The following CHM variants were observed in gnomAD, a reference collection of about 807,000 sequenced individuals.
CHM encodes CHM Rab escort protein.
Under a neutral mutation model 49.0 loss-of-function variants are expected in CHM, and 10 were observed. The ratio of observed to expected loss-of-function variants is 0.20; its 90% CI spans 0.13 to 0.35. The LOEUF (loss-of-function observed/expected upper bound fraction) is 0.35. CHM is among the 10% of genes least tolerant of loss of function. The pLI is 1.00. For synonymous variants in CHM, 184 were observed against 167.5 expected (o/e 1.10, Z -0.76); for missense variants, 455 against 478.4 (o/e 0.95, Z 0.46).
chrX:85,939,087 C>CAG (rs2148205159), intron 8 of CHM, among the ~76,000 whole-genome samples: 1 of 111,922 alleles, frequency 8.9e-6, no homozygotes, highest in African/African-American at 3.2e-5. Flanking sequence ...ACACGCTGTA[C>CAG]AGGTTTGTAG....
At chrX:85,873,407 T>C (rs1924217751) in intron 13 of CHM, among the ~76,000 whole-genome samples, 195 bp from the exon 14 acceptor site, 1 of 111,756 alleles carries the variant, frequency 8.9e-6, no homozygotes, top group Admixed American at 9.6e-5. Context: ...ACTCCAGTCA[T>C]GCTCCTTTGG....
At chrX:86,014,093 A>G (rs1448608055) in intron 2 of CHM, among the ~76,000 whole-genome samples, 1 of 112,241 alleles carries the variant, frequency 8.9e-6, no homozygotes, top group East Asian at 2.8e-4. Flanking sequence ...CAAACTCAAA[A>G]CCAGAAGATA....
chrX:86,047,480 A>G lies in CHM; in HGVS notation c.49+4T>C, dbSNP rs1406232082. On this transcript the variant is annotated splice_donor_region_variant and intron_variant, in intron 1 of 14. Transcript: ENST00000357749. ...TTGTCCAGGAAGCACCAGGCTACAC[A>G]TACCCGTCCCTATTACGATCACATC... is the stretch of plus-strand genomic sequence containing the variant. 8.3e-7 allele frequency: 1 copy of G among 1,207,382 alleles called. No homozygotes were observed. The highest frequency in any genetic ancestry group is 3.0e-5 in the East Asian group (1 of 33,801).
chrX:85,925,435 T>G (rs971729208), intron 8 of CHM, among the ~76,000 whole-genome samples: 1 of 111,777 alleles, frequency 8.9e-6, no homozygotes, highest in African/African-American at 3.3e-5. Flanking sequence ...ACACCCATGC[T>G]ATTTGCCCCA....
chrX:85,933,382 A>C (rs2148197089), intron 8 of CHM, among the ~76,000 whole-genome samples: 1 of 111,807 alleles, frequency 8.9e-6, no homozygotes, highest in South Asian at 3.7e-4. Flanking sequence ...TAATCCTCAT[A>C]ATAACCCCAT....
intron 14 of CHM, among the ~76,000 whole-genome samples, chrX:85,865,201 C>A (rs1410318572): frequency 8.9e-6 from 1 of 111,807 alleles, no homozygotes; most frequent in African/African-American, 3.2e-5. Flanking sequence ...TCACCCAAAT[C>A]TCATCTCAAA....
At chrX:85,952,410 G>A (rs774026875) in intron 8 of CHM, among the ~76,000 whole-genome samples, 2 of 111,238 alleles carry the variant, frequency 1.8e-5, no homozygotes, top group South Asian at 7.7e-4. Context: ...GCAGAGTCAT[G>A]AGGCCACCAT....
chrX:85,904,385 T>C (rs945598922), intron 9 of CHM, among the ~76,000 whole-genome samples: 3 of 111,542 alleles, frequency 2.7e-5, no homozygotes, highest in Non-Finnish European at 3.8e-5. Flanking sequence ...TATTCAGTTA[T>C]TGGTTCAACG....
At chrX:85,896,202 A>G (rs1169949287) in intron 11 of CHM, among the ~76,000 whole-genome samples, 3 of 110,516 alleles carry the variant, frequency 2.7e-5, no homozygotes, top group Non-Finnish European at 3.8e-5. Context: ...TACAGGGAAC[A>G]AAGAAAGACA....
intron 14 of CHM, 27 bp from the exon 15 acceptor site, chrX:85,864,848 G>A (rs1329954688): frequency 6.3e-5 from 74 of 1,171,605 alleles, no homozygotes; most frequent in African/African-American, 1.1e-4. Context: ...AGATAAAATC[G>A]TTTTTGGAAA....
At chrX:85,917,430 A>G (rs1927522318) in intron 8 of CHM, among the ~76,000 whole-genome samples, 1 of 111,561 alleles carries the variant, frequency 9.0e-6, no homozygotes, top group Admixed American at 9.5e-5. Context: ...CTGCAAATGT[A>G]GCCCTGAACT....
At chrX:85,982,632 T>G (rs945906645) in intron 2 of CHM, among the ~76,000 whole-genome samples, 1 of 111,144 alleles carries the variant, frequency 9.0e-6, no homozygotes, top group Admixed American at 9.6e-5. Context: ...CTCCGGATCC[T>G]TGTAAAACGA....
At chrX:85,942,026 T>C (rs1929136089) in intron 8 of CHM, among the ~76,000 whole-genome samples, 1 of 111,649 alleles carries the variant, frequency 9.0e-6, no homozygotes, top group Admixed American at 9.6e-5. Flanking sequence ...CCAAAAATGA[T>C]GAGCACAGAG....
chrX:85,976,257 G>T (rs1931250848), intron 4 of CHM, among the ~76,000 whole-genome samples: 1 of 111,470 alleles, frequency 9.0e-6, no homozygotes, highest in Non-Finnish European at 1.9e-5. Context: ...TACACTAAAT[G>T]GCCCAAAGTC....
chrX:86,047,441 A>T, intron 1 of CHM, 43 bp downstream of exon 1: 2 of 1,151,983 alleles, frequency 1.7e-6, no homozygotes, highest in Non-Finnish European at 2.4e-6. Flanking sequence ...GAAACAAGAC[A>T]GTCTTCCTAA....
At chrX:85,969,348 C>T (rs1415360142) in intron 4 of CHM, 2 of 739,919 alleles carry the variant, frequency 2.7e-6, no homozygotes, top group Non-Finnish European at 3.2e-6. Flanking sequence ...CTAAGAATAA[C>T]TTGAGTTTGT....
At chrX:85,882,755 C>A (rs750787839) in intron 12 of CHM, among the ~76,000 whole-genome samples, 1 of 111,709 alleles carries the variant, frequency 9.0e-6, no homozygotes, top group African/African-American at 3.2e-5. Context: ...ATCGCTCTTA[C>A]GAGTTGTTTT....
chrX:85,976,282 C>T (rs1387626827), intron 4 of CHM, among the ~76,000 whole-genome samples: 2 of 111,547 alleles, frequency 1.8e-5, no homozygotes, highest in Admixed American at 1.9e-4. Context: ...TTCAGCTTGC[C>T]GATGCTGTCT....
intron 2 of CHM, among the ~76,000 whole-genome samples, chrX:86,013,560 C>T (rs1161037917): frequency 9.1e-6 from 1 of 109,774 alleles, no homozygotes; most frequent in Admixed American, 9.8e-5. Context: ...TGTTTTGAAA[C>T]CCCGTCTCTA....
Sources: allele counts gnomAD v4.1 joint callset (sites outside exome capture counted in the v4.1 genomes callset), GRCh38; gene constraint gnomAD v4.1.1; transcripts MANE v1.5; gene names NCBI Gene and HGNC (gene_info 2026-07-23, HGNC 2026-07-21).